Variants in BTBD16 observed in about 807,000 individuals in gnomAD.
BTBD16 encodes BTB domain containing 16, also known as BTB/POZ domain-containing protein 16.
In BTBD16, 66 loss-of-function variants were observed where a neutral mutation model predicts 67.4. That is an observed-to-expected ratio of 0.98 (90% CI 0.80 to 1.20). The LOEUF (loss-of-function observed/expected upper bound fraction) is 1.20, where lower values mean the gene tolerates loss of function less well. Ranked by LOEUF, BTBD16 falls within the 50% of genes most tolerant of loss-of-function variation. The pLI, the probability that BTBD16 is intolerant of heterozygous loss-of-function variation, is 0.00. For missense variants in BTBD16, 634 were observed against 616.0 expected (o/e 1.03, Z -0.31); for synonymous variants, 242 against 236.4 (o/e 1.02, Z -0.22).
At chr10:122,334,253 T>G (rs1337904209) in intron 13 of BTBD16, among the ~76,000 whole-genome samples, 3 of 150,682 alleles carry the variant, frequency 2.0e-5, no homozygotes, top group Admixed American at 6.6e-5. Context: ...TGGAGTGCAG[T>G]GGCGCAATCT....
At chr10:122,272,516 T>C (rs1342762297) in intron 1 of BTBD16, among the ~76,000 whole-genome samples, 1 of 152,148 alleles carries the variant, frequency 6.6e-6, no homozygotes, top group Non-Finnish European at 1.5e-5. Flanking sequence ...TAATTTTGTA[T>C]TTTTAGTAGA....
At chr10:122,287,958 T>A (rs2096366946) in intron 5 of BTBD16, among the ~76,000 whole-genome samples, 1 of 152,208 alleles carries the variant, frequency 6.6e-6, no homozygotes, top group Non-Finnish European at 1.5e-5. Context: ...TTTGGGGTTT[T>A]ACTCAACCTG....
Position 122,289,899 on chromosome 10 carries a change from C to T in BTBD16, c.386-10C>T. 6.2e-7 allele frequency: 1 copy of T among 1,610,596 alleles called. No homozygotes were observed. The highest frequency in any genetic ancestry group is 1.3e-5 in the African/African-American group (1 of 74,944). On this transcript the variant is annotated splice_polypyrimidine_tract_variant and intron_variant, in intron 5 of 15. Transcript: ENST00000260723. Reference sequence around the variant, plus strand: ...ACATCCTGCCATCATCATCTCATTTCCTTTACTAGCTCAATCACCTAAGAA... The same window carrying T: ...ACATCCTGCCATCATCATCTCATTTTCTTTACTAGCTCAATCACCTAAGAA...
intron 10 of BTBD16, among the ~76,000 whole-genome samples, chr10:122,326,700 T>A (rs1302765881): frequency 6.6e-6 from 1 of 152,216 alleles, no homozygotes; most frequent in South Asian, 2.1e-4. Context: ...GTCCCCAGGG[T>A]CTGGCAAGTA....
intron 2 of BTBD16, 76 bp from the exon 3 acceptor site, chr10:122,276,715 T>C: frequency 6.4e-7 from 1 of 1,568,660 alleles, no homozygotes; most frequent in Non-Finnish European, 8.7e-7. Flanking sequence ...TCCTTCTTGC[T>C]ATACAATTTG....
intron 12 of BTBD16, 28 bp downstream of exon 12, chr10:122,331,286 G>A (rs892093031): frequency 8.7e-6 from 14 of 1,603,322 alleles, no homozygotes; most frequent in Middle Eastern, 1.7e-4. Flanking sequence ...CAAGGACACA[G>A]TTGTCGAAGT....
chr10:122,285,938 G>A (rs1021623407), intron 4 of BTBD16, among the ~76,000 whole-genome samples, 167 bp from the exon 5 acceptor site: 31 of 152,116 alleles, frequency 2.0e-4, no homozygotes, highest in Admixed American at 1.2e-3. Context: ...CTAAGCCCCC[G>A]AGGCCCACAC....
intron 12 of BTBD16, among the ~76,000 whole-genome samples, chr10:122,331,461 C>T (rs192934250): frequency 1.1e-3 from 170 of 152,238 alleles, no homozygotes; most frequent in African/African-American, 4.0e-3. Flanking sequence ...CCGGGTAGTT[C>T]GAGCTCCCAT....
chr10:122,328,022 G>A (rs2096448339), intron 10 of BTBD16, among the ~76,000 whole-genome samples: 1 of 152,240 alleles, frequency 6.6e-6, no homozygotes. Context: ...CAGAGCACTG[G>A]GCAAGGCTAG....
chr10:122,332,966 C>T (rs1239217279), intron 13 of BTBD16: 2 of 985,216 alleles, frequency 2.0e-6, no homozygotes, highest in African/African-American at 3.5e-5. Context: ...CAGAATAAAA[C>T]TGCAGTGGGT....
In BTBD16 at chr10:122,297,795, C is replaced by G; in HGVS notation, c.618C>G (p.Leu206=). The G allele has an allele frequency of 6.2e-7, 1 of 1,614,190 alleles. No homozygotes were observed. Among genetic ancestry groups the G allele is most frequent in the African/African-American group, 1.3e-5 (1 of 75,058 alleles). The change falls in exon 8 of 16, where the codon CTC becomes CTG. Residue 206 remains leucine, a synonymous_variant. Transcript: ENST00000260723. ...QRCVDVMIAR[L]KPSTIKKFYE... ...GCGTGGATGTGATGATAGCCAGACTCAAGCCAAGCACCATCAAGAAATTCT... is the reference window on the plus strand; with the variant it reads ...GCGTGGATGTGATGATAGCCAGACTGAAGCCAAGCACCATCAAGAAATTCT...
chr10:122,335,099 G>T (rs2096461484), intron 14 of BTBD16, 120 bp downstream of exon 14: 1 of 589,796 alleles, frequency 1.7e-6, no homozygotes, highest in Non-Finnish European at 2.9e-6. Context: ...GAAATGTATT[G>T]TAAGTGCTAA....
chr10:122,297,725 G>A (rs1276393952), intron 7 of BTBD16, 43 bp from the exon 8 acceptor site: 1 of 1,607,850 alleles, frequency 6.2e-7, no homozygotes, highest in Non-Finnish European at 8.5e-7. Flanking sequence ...TTCTCCAAAA[G>A]CAGTGTGGGG....
At chr10:122,313,790 T>C (rs939211953) in intron 10 of BTBD16, among the ~76,000 whole-genome samples, 6 of 152,234 alleles carry the variant, frequency 3.9e-5, no homozygotes, top group Non-Finnish European at 5.9e-5. Context: ...CTTTGCTCAC[T>C]GCTCTGCAGT....
intron 7 of BTBD16, 48 bp downstream of exon 7, chr10:122,291,242 C>T (rs762165408): frequency 1.6e-5 from 25 of 1,579,742 alleles, no homozygotes; most frequent in East Asian, 4.6e-5. Context: ...TGGGGGAAAT[C>T]GGAAGGGCAA....
intron 3 of BTBD16, among the ~76,000 whole-genome samples, chr10:122,277,492 G>A (rs2096343383): frequency 6.6e-6 from 1 of 152,148 alleles, no homozygotes; most frequent in East Asian, 1.9e-4. Context: ...AAAGAAAAAA[G>A]GTTTATTTGG....
chr10:122,287,413 A>G (rs1238524107), intron 5 of BTBD16: 1 of 985,262 alleles, frequency 1.0e-6, no homozygotes, highest in Non-Finnish European at 1.2e-6. Flanking sequence ...CCCTAAAATG[A>G]AAACATTTAG....
chr10:122,294,698 T>C (rs889294403), intron 7 of BTBD16, among the ~76,000 whole-genome samples: 3 of 152,226 alleles, frequency 2.0e-5, no homozygotes, highest in African/African-American at 7.2e-5. Flanking sequence ...CCTTTAGAAT[T>C]TCCAGAAGAG....
At chr10:122,286,587 C>A (rs1304789017) in intron 5 of BTBD16, among the ~76,000 whole-genome samples, 1 of 152,058 alleles carries the variant, frequency 6.6e-6, no homozygotes, top group Admixed American at 6.6e-5. Context: ...CTACCTACTT[C>A]TTTGAAAAGA....
Sources: allele counts gnomAD v4.1 joint callset (sites outside exome capture counted in the v4.1 genomes callset), GRCh38; gene constraint gnomAD v4.1.1; transcripts MANE v1.5; gene names NCBI Gene and HGNC (gene_info 2026-07-23, HGNC 2026-07-21).